IL1RAPL1: variants seen among roughly 807,000 people sequenced by gnomAD.
IL1RAPL1 encodes the protein interleukin 1 receptor accessory protein like 1, also known as interleukin-1 receptor accessory protein-like 1.
IL1RAPL1 carries 3 observed loss-of-function variants against 48.4 expected under a neutral mutation model. That is an observed-to-expected ratio of 0.06 (90% CI 0.03 to 0.16). The LOEUF (loss-of-function observed/expected upper bound fraction) is 0.16, where lower values mean the gene tolerates loss of function less well. Ranked by LOEUF, IL1RAPL1 falls within the 10% of genes least tolerant of loss-of-function variation. The pLI is 1.00. For missense variants in IL1RAPL1, 349 were observed against 530.6 expected, an observed-to-expected ratio of 0.66 and a Z score of 3.36; for synonymous variants, 185 against 187.7, an observed-to-expected ratio of 0.99 and a Z score of 0.12.
chrX:29,664,403 CAAA>C (rs569100581), intron 5 of IL1RAPL1, among the ~76,000 whole-genome samples: 2 of 40,732 alleles, frequency 4.9e-5, no homozygotes, highest in East Asian at 6.6e-4. Context: ...GACTCCGTCT[CAAA>C]AAAAAAAAAA....
In IL1RAPL1 at chrX:28,713,179, G is replaced by A. The variant is rs183145390; in HGVS notation, c.-24-76141G>A. Among the ~76,000 whole-genome samples, 571 of 109,876 alleles carry A rather than the reference G, an allele frequency of 5.2e-3. 9 individuals carry two copies. Among genetic ancestry groups the A allele is most frequent in the Admixed American group, 0.039 (404 of 10,261 alleles). On this transcript the variant is annotated intron_variant, in intron 1 of 10. Transcript: ENST00000378993. ...CGCCATTCTCCTGCCTCAGCCTCCC[G>A]AGTAGCTGGGACTACAGGTGCCCGC...
rs949498242 is a variant in IL1RAPL1 at position 29,003,554 on chromosome X, A to G, written c.82+214129A>G. ...TTGGTACATGATATGCCACAGACAT[A>G]AAGGGGAAATGCTTTCAAAGAGATC... On this transcript the variant is annotated intron_variant, in intron 2 of 10. Coordinates refer to ENST00000378993, the MANE Select transcript of IL1RAPL1 (RefSeq NM_014271.4). 3.6e-5 allele frequency among the ~76,000 whole-genome samples: 4 copies of G among 112,273 alleles called. No individual in the cohort carries two copies. The Admixed American group carries it at 3.8e-4, about 11-fold the overall frequency.
At chrX:29,751,437 A>G (rs1208274412) in intron 6 of IL1RAPL1, among the ~76,000 whole-genome samples, 1 of 112,033 alleles carries the variant, frequency 8.9e-6, no homozygotes, top group Non-Finnish European at 1.9e-5. Context: ...GTCATCCTTT[A>G]AAAGACAATT....
chrX:29,339,070 G>C (rs762031137), intron 3 of IL1RAPL1, among the ~76,000 whole-genome samples: 1 of 54,752 alleles, frequency 1.8e-5, no homozygotes, highest in African/African-American at 8.4e-5. Context: ...CTTATGCTGG[G>C]TAAATACACA....
chrX:28,666,293 C>T (rs1269127909), intron 1 of IL1RAPL1, among the ~76,000 whole-genome samples: 1 of 111,804 alleles, frequency 8.9e-6, no homozygotes, highest in Non-Finnish European at 1.9e-5. Flanking sequence ...ACACAGTGGA[C>T]CCCACCTATT....
intron 5 of IL1RAPL1, among the ~76,000 whole-genome samples, chrX:29,411,946 A>G (rs1156759100): frequency 9.0e-6 from 1 of 111,291 alleles, no homozygotes; most frequent in East Asian, 2.8e-4. Context: ...TGAGAGTCAA[A>G]AAGCTGTTCA....
intron 6 of IL1RAPL1, among the ~76,000 whole-genome samples, chrX:29,782,653 C>A (rs1929374550): frequency 9.0e-6 from 1 of 110,971 alleles, no homozygotes; most frequent in Non-Finnish European, 1.9e-5. Flanking sequence ...CTCATATAGT[C>A]TGGGAAGGTC....
intron 2 of IL1RAPL1, among the ~76,000 whole-genome samples, chrX:29,207,726 ATATCT>A (rs1224264255): frequency 9.0e-6 from 1 of 111,418 alleles, no homozygotes; most frequent in African/African-American, 3.3e-5. Context: ...TTCATTATAG[ATATCT>A]TATATAGACT....
chrX:28,611,598 G>A (rs1427709050), intron 1 of IL1RAPL1, among the ~76,000 whole-genome samples: 2 of 112,954 alleles, frequency 1.8e-5, no homozygotes, highest in Non-Finnish European at 3.7e-5. Flanking sequence ...AGTTACAAGT[G>A]ACAATTGCAT....
Position 29,054,556 on chromosome X carries a change from C to G in IL1RAPL1, c.83-228382C>G, listed in dbSNP as rs753197847. 2.7e-5 allele frequency among the ~76,000 whole-genome samples: 3 copies of G among 110,907 alleles called. No homozygotes were observed. In the South Asian group the frequency reaches 1.2e-3, roughly 44 times the overall value. On this transcript the variant is annotated intron_variant, in intron 2 of 10. Transcript: ENST00000378993. The stretch of plus-strand genomic sequence containing the variant: ...CAAATCACAAGCTGTATGGGCTCCA[C>G]CAAGAAGGTGTGAGAGGAAAATTTT...
intron 6 of IL1RAPL1, among the ~76,000 whole-genome samples, chrX:29,842,814 G>A (rs909333935): frequency 3.6e-5 from 4 of 111,732 alleles, no homozygotes; most frequent in Non-Finnish European, 7.5e-5. Flanking sequence ...TCAGAGCATA[G>A]TACATTCATA....
intron 3 of IL1RAPL1, among the ~76,000 whole-genome samples, chrX:29,299,330 T>A (rs1477101470): frequency 1.8e-5 from 2 of 111,666 alleles, no homozygotes; most frequent in Admixed American, 9.5e-5. Context: ...TCTTTCATAT[T>A]TGATGTGCAT....
At chrX:29,710,729 T>A (rs937240647) in intron 6 of IL1RAPL1, among the ~76,000 whole-genome samples, 2 of 107,008 alleles carry the variant, frequency 1.9e-5, no homozygotes, top group African/African-American at 3.4e-5. Context: ...GTGGATCTGA[T>A]CTTAGATTAC....
intron 2 of IL1RAPL1, among the ~76,000 whole-genome samples, chrX:29,090,910 C>T (rs1343308373): frequency 1.8e-5 from 2 of 111,598 alleles, no homozygotes; most frequent in South Asian, 3.7e-4. Context: ...GCTTTTCAAA[C>T]GATTTATATA....
intron 6 of IL1RAPL1, among the ~76,000 whole-genome samples, chrX:29,861,047 T>A (rs147320997): frequency 0.011 from 1,253 of 112,151 alleles, 17 homozygotes; most frequent in African/African-American, 0.038. Flanking sequence ...TCTAAAGAGC[T>A]CAGGAGTTAA....
At chrX:28,632,495 C>T (rs1006918510) in intron 1 of IL1RAPL1, among the ~76,000 whole-genome samples, 2 of 111,601 alleles carry the variant, frequency 1.8e-5, no homozygotes, top group African/African-American at 6.5e-5. Flanking sequence ...AATGTCATTT[C>T]CTAGAAGGGG....
At chrX:29,322,113 A>G (rs895975712) in intron 3 of IL1RAPL1, among the ~76,000 whole-genome samples, 1 of 110,549 alleles carries the variant, frequency 9.0e-6, no homozygotes, top group Non-Finnish European at 1.9e-5. Flanking sequence ...TGCTTTTTCT[A>G]TGTATGTTTA....
intron 1 of IL1RAPL1, among the ~76,000 whole-genome samples, chrX:28,632,018 A>G (rs1418179859): frequency 8.9e-6 from 1 of 112,648 alleles, no homozygotes; most frequent in African/African-American, 3.2e-5. Context: ...GGAAACACAG[A>G]TAAAACTTAT....
chrX:28,918,112 A>T (rs1923531872), intron 2 of IL1RAPL1, among the ~76,000 whole-genome samples: 1 of 112,486 alleles, frequency 8.9e-6, no homozygotes, highest in South Asian at 3.6e-4. Flanking sequence ...AAACATATTG[A>T]CAGTCAATTT....
Sources: gnomAD v4.1 joint callset for allele counts (sites outside exome capture counted in the v4.1 genomes callset) on GRCh38, gnomAD v4.1.1 for gene constraint, MANE v1.5 for transcripts, NCBI Gene and HGNC (gene_info 2026-07-23, HGNC 2026-07-21) for gene names.